The following ZNF44 variants were observed in gnomAD, a reference collection of about 807,000 sequenced individuals.
The protein encoded by ZNF44 is gonadotropin inducible transcription repressor-2.
ZNF44 carries 9 observed loss-of-function variants against 11.7 expected under a neutral mutation model. The ratio of observed to expected loss-of-function variants is 0.77; its 90% CI spans 0.46 to 1.35. The LOEUF (loss-of-function observed/expected upper bound fraction) is 1.35. ZNF44 is among the 40% of genes most tolerant of loss of function. The pLI, the probability that ZNF44 is intolerant of heterozygous loss-of-function variation, is 0.00. For missense variants in ZNF44, 696 were observed against 743.1 expected, an observed-to-expected ratio of 0.94 and a Z score of 0.74; for synonymous variants, 224 against 242.7, an observed-to-expected ratio of 0.92 and a Z score of 0.72.
chr19:12,273,549 C>A lies in ZNF44; in HGVS notation c.706G>T (p.Val236Phe). ...TCATGTCTTAGATAGGAACTGTAAACAGGGAAGGCTTTAGAACACTGCTTA... is the reference window on the plus strand; with the variant it reads ...TCATGTCTTAGATAGGAACTGTAAAAAGGGAAGGCTTTAGAACACTGCTTA... ...ECKQCSKAFPVYSSYLRHEKI... is the reference protein window; with the variant it reads ...ECKQCSKAFPFYSSYLRHEKI... Residue 236 changes from valine to phenylalanine, a missense_variant, in exon 4 of 4, where the codon GTT (valine) becomes TTT (phenylalanine). Transcript: ENST00000355684. 1 of 1,613,846 alleles carries A rather than the reference C, an allele frequency of 6.2e-7. No individual in the cohort carries two copies. The highest frequency in any genetic ancestry group is 8.5e-7 in the Non-Finnish European group (1 of 1,179,980).
intron 5 of ZNF44, among the ~76,000 whole-genome samples, chr19:12,266,799 T>G (rs1392481166): frequency 1.3e-5 from 2 of 152,128 alleles, no homozygotes; most frequent in Non-Finnish European, 2.9e-5. Flanking sequence ...GGCACTGGCG[T>G]CTCCCTGTAC....
In ZNF44 at chr19:12,294,684, A is replaced by C. The variant is rs1293285680; in HGVS notation, c.3+8T>G. ...CCTGCCTCAGGACGCCGGGCCCCGC[A>C]CACTCACCATTTCCCGGCTGTGCGG... is the stretch of plus-strand genomic sequence containing the variant. On this transcript the variant is annotated splice_region_variant and intron_variant, in intron 1 of 3. Transcript: ENST00000355684. 6.4e-7 allele frequency: 1 copy of C among 1,561,854 alleles called. No individual in the cohort carries two copies.
intron 1 of ZNF44, chr19:12,276,284 T>G (rs1387349137): frequency 1.5e-5 from 11 of 713,026 alleles, no homozygotes; most frequent in Non-Finnish European, 2.5e-5. Context: ...AAAATAACAG[T>G]TGAGTAGGAA....
intron 3 of ZNF44, among the ~76,000 whole-genome samples, 158 bp downstream of exon 3, chr19:12,274,809 ATATATT>A (rs1967143954): frequency 6.6e-6 from 1 of 152,102 alleles, no homozygotes; most frequent in Admixed American, 6.5e-5. Context: ...ACATTTAATA[ATATATT>A]TATGTCACAT....
intron 1 of ZNF44, chr19:12,284,767 T>A: frequency 1.0e-6 from 1 of 971,070 alleles, no homozygotes; most frequent in Middle Eastern, 2.7e-4. Context: ...CGCGGGGCCA[T>A]CATCCTGGCC....
In ZNF44 at chr19:12,273,210, G is replaced by T; in HGVS notation, c.1045C>A (p.Pro349Thr). ...CKICGKGFDF[P>T]GSARIHEGTH... is the part of the protein sequence containing the mutation. ...CCTTCATGAATTCGTGCTGAACCAG[G>T]AAAATCAAAGCCTTTCCCACATATC... Residue 349 changes from proline to threonine, a missense_variant, in exon 4 of 4, where the codon CCT (proline) becomes ACT (threonine). Physicochemically the swap from Pro to Thr is conservative, Grantham distance 38 (BLOSUM62 -1). Transcript: ENST00000355684. 8 of 1,613,960 alleles carry T rather than the reference G, an allele frequency of 5.0e-6. No homozygotes were observed. Among genetic ancestry groups the T allele is most frequent in the Non-Finnish European group, 6.8e-6 (8 of 1,179,920 alleles).
rs200433347 is a variant in ZNF44, at chr19:12,276,047, G to A, written c.39C>T (p.Phe13=). The A allele has an allele frequency of 6.5e-4, 1,046 of 1,608,556 alleles. No individual in the cohort carries two copies. Among genetic ancestry groups the A allele is most frequent in the Middle Eastern group, 1.2e-3 (7 of 6,004 alleles). The change falls in exon 2 of 4, where the codon TTC becomes TTT. Residue 13 remains phenylalanine (F), a synonymous_variant. Transcript: ENST00000355684. Reference sequence around the variant, plus strand: ...CCAGCAAAGCCCACTCCTCATGGGTGAAGTTCACAGCCACATCCTCAAAGG... The same window carrying A: ...CCAGCAAAGCCCACTCCTCATGGGTAAAGTTCACAGCCACATCCTCAAAGG... ...SVAFEDVAVN[F]THEEWALLGP...
downstream of ZNF44, among the ~76,000 whole-genome samples, chr19:12,271,041 TG>T (rs895784997): frequency 5.7e-5 from 8 of 139,512 alleles, no homozygotes; most frequent in African/African-American, 2.2e-4. Context: ...CTACAAGTGA[TG>T]ATGATGATGA....
Position 12,272,538 on chromosome 19 carries a change from T to C in ZNF44, c.1717A>G (p.Ser573Gly). The C allele has an allele frequency of 6.2e-7, 1 of 1,613,526 alleles. No individual in the cohort carries two copies. Among genetic ancestry groups the C allele is most frequent in the Non-Finnish European group, 8.5e-7 (1 of 1,179,836 alleles). ...GTTCTTTCATGTTCTCGACAGAAAC[T>C]GGAACGACTGAAGGCTTTACCACAG... ...KHCGKAFSRS[S>G]FCREHERTHT... Residue 573 changes from serine to glycine, a missense_variant, in exon 4 of 4, where the codon AGT (serine) becomes GGT (glycine). Ser to Gly is a moderately conservative substitution (Grantham distance 56, BLOSUM62 0). Transcript: ENST00000355684.
At chr19:12,250,999 G>A (rs1345561713) in intron 5 of ZNF44, among the ~76,000 whole-genome samples, 2 of 152,024 alleles carry the variant, frequency 1.3e-5, no homozygotes, top group African/African-American at 4.8e-5. Flanking sequence ...GCCGAGGCGG[G>A]CAGATTATCT....
downstream of ZNF44, among the ~76,000 whole-genome samples, chr19:12,225,870 G>A (rs1436029756): frequency 6.6e-6 from 1 of 152,142 alleles, no homozygotes; most frequent in Non-Finnish European, 1.5e-5. Flanking sequence ...GGTGAGAGTC[G>A]GGGGCTTAGA....
At chr19:12,284,431 G>A in intron 1 of ZNF44, 1 of 633,852 alleles carries the variant, frequency 1.6e-6, no homozygotes, top group Non-Finnish European at 2.9e-6. Context: ...TTCGGCAGTG[G>A]CATCCGGGGC....
intron 1 of ZNF44, 62 bp downstream of exon 1, chr19:12,294,630 G>T: frequency 6.5e-7 from 1 of 1,543,046 alleles, no homozygotes; most frequent in African/African-American, 1.4e-5. Flanking sequence ...GCCACAGCCG[G>T]TTCCGACTGG....
Position 12,272,330 on chromosome 19 carries a change from T to A in ZNF44, c.*77A>T. 7.0e-7 allele frequency: 1 copy of A among 1,435,386 alleles called. No individual in the cohort carries two copies. The highest frequency in any genetic ancestry group is 2.5e-5 in the East Asian group (1 of 39,554). The allele number at this position is 1,435,386 out of a possible 1,614,324, so 88.9% of individuals were successfully genotyped here. A position where few individuals can be genotyped will look rare whatever the true frequency, so the allele number is the denominator to read the frequency against. On this transcript the variant is annotated 3_prime_UTR_variant, in exon 4 of 4. Transcript: ENST00000355684. ...GAAACTTCTTAAGGCTTTACCACGT[T>A]TACATTCACAGGATTTATTTCTTTC... is the stretch of plus-strand genomic sequence containing the variant.
At chr19:12,234,202 C>T (rs892599516) in intron 2 of ZNF44, among the ~76,000 whole-genome samples, 1 of 152,164 alleles carries the variant, frequency 6.6e-6, no homozygotes, top group African/African-American at 2.4e-5. Flanking sequence ...GATTACTCTG[C>T]AACAAGGCTC....
At chr19:12,275,720 A>G (rs1028286912) in intron 2 of ZNF44, among the ~76,000 whole-genome samples, 2 of 152,214 alleles carry the variant, frequency 1.3e-5, no homozygotes, top group Non-Finnish European at 2.9e-5. Context: ...CATATGACAT[A>G]TATGTGCTCG....
At chr19:12,265,301 G>A (rs1042218040) in intron 5 of ZNF44, among the ~76,000 whole-genome samples, 1 of 152,012 alleles carries the variant, frequency 6.6e-6, no homozygotes, top group Non-Finnish European at 1.5e-5. Flanking sequence ...GGGAAGATCG[G>A]TTGAGATGGG....
At chr19:12,280,200 CAG>C (rs1967415454) in intron 1 of ZNF44, among the ~76,000 whole-genome samples, 1 of 152,144 alleles carries the variant, frequency 6.6e-6, no homozygotes, top group African/African-American at 2.4e-5. Flanking sequence ...GCCTGGGAAA[CAG>C]AGTGAGATTC....
intron 5 of ZNF44, among the ~76,000 whole-genome samples, chr19:12,259,155 A>G (rs532026959): frequency 2.0e-4 from 31 of 152,292 alleles, no homozygotes; most frequent in African/African-American, 7.5e-4. Flanking sequence ...GATTACAGGC[A>G]TGAGCCACCG....
Sources: gnomAD v4.1 joint callset for allele counts (sites outside exome capture counted in the v4.1 genomes callset) on GRCh38, gnomAD v4.1.1 for gene constraint, MANE v1.5 for transcripts, NCBI Gene and HGNC (gene_info 2026-07-23, HGNC 2026-07-21) for gene names.